The following LAMA2 variants were observed in gnomAD, a reference collection of about 807,000 sequenced individuals.
The protein encoded by LAMA2 is laminin subunit alpha-2.
Under a neutral mutation model 364.8 loss-of-function variants are expected in LAMA2, and 269 were observed. The ratio of observed to expected loss-of-function variants is 0.74; its 90% CI spans 0.67 to 0.82. LAMA2 has a LOEUF of 0.82. Ranked by LOEUF, LAMA2 falls within the 40% of genes least tolerant of loss-of-function variation. The pLI is 0.00. For missense variants in LAMA2, 3,807 were observed against 3,873.2 expected, an observed-to-expected ratio of 0.98 and a Z score of 0.45; for synonymous variants, 1,379 against 1,370.6, an observed-to-expected ratio of 1.01 and a Z score of -0.14.
At chr6:129,457,401 G>C (rs1422312113) in intron 48 of LAMA2, among the ~76,000 whole-genome samples, 2 of 151,882 alleles carry the variant, frequency 1.3e-5, no homozygotes, top group Non-Finnish European at 2.9e-5. Context: ...ATAAATATAG[G>C]GATAGCACAC....
At chr6:129,377,468 G>A (rs1401021433) in intron 34 of LAMA2, among the ~76,000 whole-genome samples, 1 of 152,116 alleles carries the variant, frequency 6.6e-6, no homozygotes, top group African/African-American at 2.4e-5. Flanking sequence ...TATTTAGGAA[G>A]AAATTCCACA....
Position 129,366,349 on chromosome 6 carries a change from T to C in LAMA2, c.4848T>C (p.Thr1616=). 1 of 1,613,582 alleles carries C rather than the reference T, an allele frequency of 6.2e-7. No homozygotes were observed. The highest frequency in any genetic ancestry group is 8.5e-7 in the Non-Finnish European group (1 of 1,179,942). ...YKMLYGLENM[T]QELKHLLSPQ... Reference sequence around the variant, plus strand: ...TGCTGTATGGTCTTGAAAATATGACTCAGGAGCTAAAGGTAGGTTGGTGCA... The same window carrying C: ...TGCTGTATGGTCTTGAAAATATGACCCAGGAGCTAAAGGTAGGTTGGTGCA... Residue 1616 remains threonine, a synonymous_variant, in exon 33 of 65, where the codon ACT becomes ACC. Coordinates refer to ENST00000421865, the MANE Select transcript of LAMA2 (RefSeq NM_000426.4).
intron 1 of LAMA2, among the ~76,000 whole-genome samples, chr6:128,896,210 C>G (rs997493853): frequency 1.3e-5 from 2 of 151,784 alleles, no homozygotes; most frequent in Non-Finnish European, 2.9e-5. Context: ...TTATGTGTAT[C>G]CAGCCCAATA....
chr6:128,894,869 C>A (rs574400190), intron 1 of LAMA2, among the ~76,000 whole-genome samples: 1 of 152,290 alleles, frequency 6.6e-6, no homozygotes, highest in South Asian at 2.1e-4. Context: ...CATGTCAACA[C>A]AATGAAAAGG....
intron 62 of LAMA2, among the ~76,000 whole-genome samples, chr6:129,508,730 G>A (rs1176949996): frequency 6.6e-6 from 1 of 152,144 alleles, no homozygotes; most frequent in African/African-American, 2.4e-5. Context: ...TTCATATCCA[G>A]TATGTATATG....
chr6:129,387,853 G>A (rs901885614), intron 35 of LAMA2, among the ~76,000 whole-genome samples: 3 of 152,214 alleles, frequency 2.0e-5, no homozygotes, highest in Non-Finnish European at 4.4e-5. Flanking sequence ...GTTGAACAGT[G>A]AGAACACATG....
intron 12 of LAMA2, among the ~76,000 whole-genome samples, chr6:129,194,586 T>TGA (rs1781728798): frequency 6.6e-6 from 1 of 152,218 alleles, no homozygotes; most frequent in Non-Finnish European, 1.5e-5. Context: ...ACACTGTTCT[T>TGA]GCCTGTACTG....
intron 17 of LAMA2, among the ~76,000 whole-genome samples, chr6:129,273,835 G>A (rs1788108683): frequency 6.6e-6 from 1 of 151,842 alleles, no homozygotes; most frequent in Admixed American, 6.6e-5. Context: ...GTAACACCAA[G>A]TATTTAATGA....
At chr6:129,093,841 C>G (rs999788345) in intron 3 of LAMA2, among the ~76,000 whole-genome samples, 1 of 152,008 alleles carries the variant, frequency 6.6e-6, no homozygotes, top group East Asian at 1.9e-4. Flanking sequence ...TAACAAGTGC[C>G]CTTCAACAGA....
At chr6:128,974,164 G>A (rs538030632) in intron 1 of LAMA2, among the ~76,000 whole-genome samples, 2 of 152,276 alleles carry the variant, frequency 1.3e-5, no homozygotes, top group South Asian at 4.1e-4. Context: ...CACCATTTAT[G>A]TCCAGTTAAC....
chr6:129,032,399 A>G (rs1224826363), intron 1 of LAMA2, among the ~76,000 whole-genome samples: 1 of 152,224 alleles, frequency 6.6e-6, no homozygotes, highest in Admixed American at 6.5e-5. Flanking sequence ...AAGACAAGGA[A>G]GAAACACTTG....
At chr6:129,361,976 G>T (rs908274308) in intron 32 of LAMA2, among the ~76,000 whole-genome samples, 1 of 151,760 alleles carries the variant, frequency 6.6e-6, no homozygotes, top group Non-Finnish European at 1.5e-5. Context: ...TAGAGATGGG[G>T]TTTCACCATG....
intron 1 of LAMA2, among the ~76,000 whole-genome samples, chr6:129,009,864 G>T (rs1198791283): frequency 6.6e-6 from 1 of 152,080 alleles, no homozygotes; most frequent in Non-Finnish European, 1.5e-5. Flanking sequence ...ACGGGAGTAT[G>T]CTTTCTTGAT....
chr6:129,401,218 C>T lies in LAMA2; in HGVS notation c.5446-6C>T, dbSNP rs571807951. Reference sequence around the variant, plus strand: ...ATTTTGATGTCTTGTTCATAATGGTCTACAGAAAAAGAAGGAGGCTGTTGA... The same window carrying T: ...ATTTTGATGTCTTGTTCATAATGGTTTACAGAAAAAGAAGGAGGCTGTTGA... On this transcript the variant is annotated splice_region_variant and splice_polypyrimidine_tract_variant and intron_variant, in intron 37 of 64. Coordinates refer to ENST00000421865, the MANE Select transcript of LAMA2 (RefSeq NM_000426.4). 4 of 1,535,678 alleles carry T rather than the reference C, an allele frequency of 2.6e-6. No homozygotes were observed. Among genetic ancestry groups the T allele is most frequent in the Non-Finnish European group, 3.6e-6 (4 of 1,109,976 alleles).
In LAMA2 at chr6:129,304,485, G is replaced by T. The variant is rs188959749; in HGVS notation, c.3174+3613G>T. ...TCACCGCGTTAGCCAGGATGGTCTCGATCTCCTGACCTCGTGATCCGCCAG... is the reference window on the plus strand; with the variant it reads ...TCACCGCGTTAGCCAGGATGGTCTCTATCTCCTGACCTCGTGATCCGCCAG... On this transcript the variant is annotated intron_variant, in intron 22 of 64. Coordinates refer to ENST00000421865, the MANE Select transcript of LAMA2 (RefSeq NM_000426.4). 1.5e-3 allele frequency among the ~76,000 whole-genome samples: 223 copies of T among 152,186 alleles called. 1 individual carries two copies. Among genetic ancestry groups the T allele is most frequent in the African/African-American group, 5.1e-3 (212 of 41,508 alleles).
At chr6:129,502,567 AC>A in intron 58 of LAMA2, 91 bp from the exon 59 acceptor site, 2 of 822,836 alleles carry the variant, frequency 2.4e-6, no homozygotes, top group Non-Finnish European at 4.3e-6. Flanking sequence ...TTAAAGAATT[AC>A]GCTAATATGT....
chr6:129,280,198 T>C (rs751265946), intron 18 of LAMA2, 51 bp downstream of exon 18: 5 of 1,156,156 alleles, frequency 4.3e-6, no homozygotes, highest in Non-Finnish European at 6.5e-6. Flanking sequence ...TTGGGAGTTA[T>C]AAAACCGCAG....
At chr6:129,473,188 T>C in intron 51 of LAMA2, 26 bp from the exon 52 acceptor site, 2 of 1,548,844 alleles carry the variant, frequency 1.3e-6, no homozygotes, top group South Asian at 2.2e-5. Flanking sequence ...TCAAATAAAA[T>C]GTTAAACTTT....
chr6:129,279,454 G>C (rs539497854), intron 17 of LAMA2, among the ~76,000 whole-genome samples: 2 of 152,266 alleles, frequency 1.3e-5, no homozygotes, highest in South Asian at 4.1e-4. Flanking sequence ...AGATGGCAAG[G>C]TTGCTTTTGT....
Sources: gnomAD v4.1 joint callset for allele counts (sites outside exome capture counted in the v4.1 genomes callset) on GRCh38, gnomAD v4.1.1 for gene constraint, MANE v1.5 for transcripts, NCBI Gene and HGNC (gene_info 2026-07-23, HGNC 2026-07-21) for gene names.